ZNF469: variants seen among roughly 807,000 people sequenced by gnomAD.
ZNF469 encodes the protein zinc finger protein 469.
In ZNF469, 1 loss-of-function variant was observed where a neutral mutation model predicts 1.0. The ratio of observed to expected loss-of-function variants is 1.00; its 90% CI spans 0.35 to 4.73. The LOEUF is 4.73. ZNF469 is among the 30% of genes most tolerant of loss of function. The pLI is 0.16. For synonymous variants in ZNF469, 2,703 were observed against 2,363.4 expected, an observed-to-expected ratio of 1.14 and a Z score of -4.17; for missense variants, 6,100 against 5,356.3, an observed-to-expected ratio of 1.14 and a Z score of -4.33.
rs546845105 is a variant in ZNF469 at position 88,436,594 on chromosome 16, C to G, written c.9124C>G (p.Arg3042Gly). The G allele has an allele frequency of 3.2e-6, 5 of 1,550,104 alleles. No homozygotes were observed. The highest frequency in any genetic ancestry group is 1.2e-5 in the South Asian group (1 of 84,066). ...LPGNTHLLPL[R>G]ATDFEVLSTK... ...CGGGAACACCCACCTGCTGCCGCTC[C>G]GTGCCACGGACTTTGAGGTGCTCAG... Residue 3042 changes from arginine to glycine, a missense_variant, in exon 3 of 3, where the codon CGT becomes GGT. Coordinates refer to ENST00000565624, the MANE Select transcript of ZNF469 (RefSeq NM_001367624.2).
the ZNF469 span, among the ~76,000 whole-genome samples, chr16:88,215,680 A>G: frequency 4.0e-5 from 6 of 151,796 alleles, no homozygotes; most frequent in Non-Finnish European, 5.9e-5. Flanking sequence ...GTGAGCCACT[A>G]CACCTGGCCA....
At chr16:88,149,314 G>A in the ZNF469 span, among the ~76,000 whole-genome samples, 1 of 152,182 alleles carries the variant, frequency 6.6e-6, no homozygotes, top group African/African-American at 2.4e-5. Context: ...TAATTCCCCT[G>A]GTGAGTGCTG....
the ZNF469 span, among the ~76,000 whole-genome samples, chr16:88,244,063 G>A: frequency 6.8e-6 from 1 of 147,832 alleles, no homozygotes; most frequent in African/African-American, 2.5e-5. Flanking sequence ...ATGAGTGCAT[G>A]GATGGATGAA....
At chr16:88,218,227 G>A in the ZNF469 span, among the ~76,000 whole-genome samples, 1 of 148,622 alleles carries the variant, frequency 6.7e-6, no homozygotes, top group Non-Finnish European at 1.5e-5. Flanking sequence ...TTTTTTGGCT[G>A]CATAAATGTC....
the ZNF469 span, among the ~76,000 whole-genome samples, chr16:88,117,375 A>C: frequency 1.3e-5 from 2 of 152,224 alleles, no homozygotes; most frequent in South Asian, 2.1e-4. Flanking sequence ...TTTCAAAAAT[A>C]AAAGTTTTTT....
the ZNF469 span, among the ~76,000 whole-genome samples, chr16:88,301,280 G>A: frequency 3.3e-5 from 5 of 151,568 alleles, no homozygotes; most frequent in African/African-American, 9.7e-5. Flanking sequence ...TCATCCTCCC[G>A]AGTAGCTGGG....
chr16:88,265,276 T>A, the ZNF469 span, among the ~76,000 whole-genome samples: 1 of 152,298 alleles, frequency 6.6e-6, no homozygotes, highest in African/African-American at 2.4e-5. Context: ...AAGAAAGGGA[T>A]CCAAGAAATC....
chr16:88,152,290 C>T, the ZNF469 span, among the ~76,000 whole-genome samples: 4 of 152,342 alleles, frequency 2.6e-5, no homozygotes, highest in Middle Eastern at 3.4e-3. This position sits in a 1 kb window ranked among gnomAD's most constrained non-coding sequence, Gnocchi z 4.2. Flanking sequence ...TGGGCTTTGG[C>T]GTTGGAAAAG....
the ZNF469 span, among the ~76,000 whole-genome samples, chr16:88,196,973 A>G: frequency 6.6e-6 from 1 of 152,146 alleles, no homozygotes. Context: ...GCCACCTCTC[A>G]CCTGGGTCAT....
chr16:88,276,011 C>T, the ZNF469 span, among the ~76,000 whole-genome samples: 14 of 152,182 alleles, frequency 9.2e-5, no homozygotes, highest in East Asian at 3.9e-4. Context: ...AGGACCACAG[C>T]GCTGCAGTCC....
At position 88,435,375 on chromosome 16, in the gene ZNF469, G is replaced by A; in HGVS notation, c.7905G>A (p.Arg2635=). The A allele has an allele frequency of 1.9e-6, 3 of 1,550,396 alleles. No homozygotes were observed. The highest frequency in any genetic ancestry group is 2.6e-6 in the Non-Finnish European group (3 of 1,146,990). ...SHSEGKSNKK[R]GKLRGRRLRE... ...CAGAGGGGAAGTCAAATAAGAAAAG[G>A]GGAAAGCTGAGAGGGAGAAGGCTCC... The change falls in exon 3 of 3, where the codon AGG becomes AGA. Residue 2635 remains arginine (R), a synonymous_variant. Coordinates refer to ENST00000565624, the MANE Select transcript of ZNF469 (RefSeq NM_001367624.2).
rs1409178359 is a variant in ZNF469 at position 88,440,489 on chromosome 16, C to A, written c.*1157C>A. ...GTGAGAGGGCTTCCTTCTCACCCTT[C>A]TCTCCATAAGTATCTTGAAGATCCA... On this transcript the variant is annotated 3_prime_UTR_variant, in exon 3 of 3. Coordinates refer to ENST00000565624, the MANE Select transcript of ZNF469 (RefSeq NM_001367624.2). The A allele has an allele frequency of 6.6e-6, 1 of 152,148 alleles. No individual in the cohort carries two copies. The highest frequency in any genetic ancestry group is 1.5e-5 in the Non-Finnish European group (1 of 68,024). 9.4% of individuals were successfully genotyped at this position (152,148 alleles called of 1,614,324 possible). A position where few individuals can be genotyped will look rare whatever the true frequency, so the allele number is the denominator to read the frequency against.
At position 88,437,649 on chromosome 16, in the gene ZNF469, G is replaced by C; in HGVS notation, c.10179G>C (p.Arg3393=). ...HLGGAHGLLE[R]PELQHTPLYA... ...GCGGGGCGCACGGGCTGCTGGAGCG[G>C]CCGGAGCTGCAGCACACGCCGCTGT... Residue 3393 remains arginine (R), a synonymous_variant, in exon 3 of 3, where the codon CGG becomes CGC. Transcript: ENST00000565624. 6.5e-7 allele frequency: 1 copy of C among 1,544,460 alleles called. No homozygotes were observed. The highest frequency in any genetic ancestry group is 8.8e-7 in the Non-Finnish European group (1 of 1,142,704).
chr16:88,398,348 ACGTGAGCCACGGATGAAGGAGGACC>A (rs1347456708), intron 1 of ZNF469, among the ~76,000 whole-genome samples: 31 of 151,956 alleles, frequency 2.0e-4, no homozygotes, highest in African/African-American at 6.5e-4. Flanking sequence ...GTGAAGGGAC[ACGTGAGCCACGGATGAAGGAGGACC>A]CGTGAGCCAC....
At chr16:88,192,910 GAGGTGA>G in the ZNF469 span, among the ~76,000 whole-genome samples, 5 of 149,174 alleles carry the variant, frequency 3.4e-5, no homozygotes, top group African/African-American at 7.4e-5. Context: ...GGTGATGATG[GAGGTGA>G]TGGTGATGAT....
the ZNF469 span, among the ~76,000 whole-genome samples, chr16:88,320,285 G>C: frequency 6.6e-6 from 1 of 152,182 alleles, no homozygotes; most frequent in African/African-American, 2.4e-5. Context: ...CCTCATGATG[G>C]GAAGCCTGCG....
At chr16:88,148,607 G>T in the ZNF469 span, among the ~76,000 whole-genome samples, 1 of 152,304 alleles carries the variant, frequency 6.6e-6, no homozygotes, top group Non-Finnish European at 1.5e-5. Context: ...GAGCTCCCAG[G>T]TCACTGGTGT....
At chr16:88,306,008 C>A in the ZNF469 span, among the ~76,000 whole-genome samples, 10 of 152,228 alleles carry the variant, frequency 6.6e-5, no homozygotes, top group Non-Finnish European at 1.5e-4. Flanking sequence ...ACACCCCATG[C>A]AGCCATACAC....
chr16:88,107,443 C>G, the ZNF469 span, among the ~76,000 whole-genome samples: 5 of 152,230 alleles, frequency 3.3e-5, no homozygotes, highest in Admixed American at 6.5e-5. Flanking sequence ...CACTCACTAT[C>G]ATGAGAACAG....
Sources: gnomAD v4.1 joint callset for allele counts (sites outside exome capture counted in the v4.1 genomes callset) on GRCh38, gnomAD v4.1.1 for gene constraint, Gnocchi (gnomAD v3.1) non-coding constraint, MANE v1.5 for transcripts, NCBI Gene and HGNC (gene_info 2026-07-23, HGNC 2026-07-21) for gene names.